Variants in OSBPL1A observed in about 807,000 individuals in gnomAD.
The protein encoded by OSBPL1A is oxysterol-binding protein-related protein 1.
In OSBPL1A, 80 loss-of-function variants were observed where a neutral mutation model predicts 137.1. That is an observed-to-expected ratio of 0.58 (90% CI 0.49 to 0.70). The LOEUF (loss-of-function observed/expected upper bound fraction) is 0.70, where lower values mean the gene tolerates loss of function less well. OSBPL1A is among the 30% of genes least tolerant of loss of function. The pLI, the probability that OSBPL1A is intolerant of heterozygous loss-of-function variation, is 0.00. For missense variants in OSBPL1A, 970 were observed against 1,129.4 expected (o/e 0.86, Z 2.02); for synonymous variants, 365 against 389.7 (o/e 0.94, Z 0.75).
chr18:24,314,169 CCA>C lies in OSBPL1A; in HGVS notation c.969+78_969+79del, dbSNP rs2090675746. 8.2e-6 allele frequency: 7 copies of C among 857,700 alleles called. No homozygotes were observed. In the East Asian group the frequency reaches 1.8e-4, roughly 22 times the overall value. 53.1% of individuals were successfully genotyped at this position (857,700 alleles called of 1,614,324 possible). On this transcript the variant is annotated intron_variant, in intron 12 of 27. Transcript: ENST00000319481. ...ACAATCAACAAGATGTTGGATGTTACCACTGAACCTATGTTATATTCTCCGTG... is the reference window on the plus strand; with the variant it reads ...ACAATCAACAAGATGTTGGATGTTACCTGAACCTATGTTATATTCTCCGTG...
intron 18 of OSBPL1A, among the ~76,000 whole-genome samples, chr18:24,183,171 T>C (rs1173422370): frequency 3.3e-5 from 5 of 152,054 alleles, no homozygotes; most frequent in African/African-American, 4.8e-5. Flanking sequence ...CCATGGCACC[T>C]GGCCTTCTAT....
intron 14 of OSBPL1A, among the ~76,000 whole-genome samples, chr18:24,297,006 T>C (rs908145279): frequency 3.9e-5 from 6 of 152,228 alleles, no homozygotes; most frequent in Admixed American, 1.3e-4. Flanking sequence ...AGGGTGATAC[T>C]GGCTTCATAA....
rs189334439 is a variant in OSBPL1A, at chr18:24,373,712, C to A, written c.121+3701G>T. 4.9e-3 allele frequency among the ~76,000 whole-genome samples: 751 copies of A among 152,162 alleles called. 6 individuals carry two copies. The highest frequency in any genetic ancestry group is 0.018 in the African/African-American group (735 of 41,496). ...ATTATAGTAATTTATACCATTTTCC[C>A]AATTTGTCATTATTTGGAAAAACAG... is the stretch of plus-strand genomic sequence containing the variant. On this transcript the variant is annotated intron_variant, in intron 2 of 27. Transcript: ENST00000319481.
chr18:24,303,721 G>C lies in OSBPL1A; in HGVS notation c.1093-3C>G. 6.2e-7 allele frequency: 1 copy of C among 1,608,594 alleles called. No individual in the cohort carries two copies. The highest frequency in any genetic ancestry group is 8.5e-7 in the Non-Finnish European group (1 of 1,177,404). On this transcript the variant is annotated splice_polypyrimidine_tract_variant and splice_region_variant and intron_variant, in intron 13 of 27. Coordinates refer to ENST00000319481, the MANE Select transcript of OSBPL1A (RefSeq NM_080597.4). ...CGCTGTTGGCATGACTGTGCTTTCT[G>C]CAAAAAAAGAAAAGACAAAATTAAA...
At chr18:24,359,983 T>A (rs1410855859) in intron 4 of OSBPL1A, among the ~76,000 whole-genome samples, 18 of 152,324 alleles carry the variant, frequency 1.2e-4, no homozygotes, top group Admixed American at 1.1e-3. Context: ...CTGTTTTTGT[T>A]TGAGACAGAG....
intron 2 of OSBPL1A, among the ~76,000 whole-genome samples, chr18:24,373,802 G>T (rs1002512219): frequency 1.6e-4 from 25 of 152,128 alleles, no homozygotes; most frequent in African/African-American, 5.8e-4. Flanking sequence ...CACTATTCAC[G>T]CCTGGTCTTG....
At chr18:24,226,211 C>A (rs1234223888) in intron 16 of OSBPL1A, among the ~76,000 whole-genome samples, 1 of 152,112 alleles carries the variant, frequency 6.6e-6, no homozygotes, top group Non-Finnish European at 1.5e-5. Flanking sequence ...TTCTTCATCT[C>A]TTTTGAGCAT....
intron 15 of OSBPL1A, among the ~76,000 whole-genome samples, chr18:24,244,582 T>C (rs561175846): frequency 2.0e-5 from 3 of 152,356 alleles, no homozygotes; most frequent in Non-Finnish European, 2.9e-5. Context: ...ACAGTAAACA[T>C]ACGCATTGAT....
intron 17 of OSBPL1A, among the ~76,000 whole-genome samples, chr18:24,217,865 T>C (rs986915102): frequency 6.6e-6 from 1 of 152,156 alleles, no homozygotes; most frequent in African/African-American, 2.4e-5. Flanking sequence ...AACATAAATC[T>C]GGCCACACCT....
chr18:24,331,621 C>CA (rs2091079982), intron 7 of OSBPL1A, among the ~76,000 whole-genome samples: 1 of 151,922 alleles, frequency 6.6e-6, no homozygotes, highest in African/African-American at 2.4e-5. Context: ...TGGTCTCGAT[C>CA]TCCTGACCTC....
rs2082787881 is a variant in OSBPL1A, at chr18:24,271,824, A to T, written c.1281+9018T>A. On this transcript the variant is annotated intron_variant, in intron 15 of 27. Transcript: ENST00000319481. This position sits in a 1 kb window ranked among gnomAD's most constrained non-coding sequence, Gnocchi z 4.0. ...CTGCCCCTGGCTCCGGCCGGGCAGC[A>T]GCGCCAGCCTTCCCCAGCGAGGTCG... The T allele has an allele frequency of 6.1e-6, 6 of 985,282 alleles. No individual in the cohort carries two copies. The South Asian group carries it at 2.8e-4, about 46-fold the overall frequency. 61.0% of individuals were successfully genotyped at this position (985,282 alleles called of 1,614,324 possible).
chr18:24,385,147 G>C (rs982814342), intron 1 of OSBPL1A, among the ~76,000 whole-genome samples: 3 of 151,884 alleles, frequency 2.0e-5, no homozygotes, highest in Non-Finnish European at 4.4e-5. Flanking sequence ...GTAGAGACAG[G>C]GTTTCACTGT....
chr18:24,360,272 G>A (rs1295721835), intron 4 of OSBPL1A, among the ~76,000 whole-genome samples: 1 of 152,132 alleles, frequency 6.6e-6, no homozygotes, highest in African/African-American at 2.4e-5. Flanking sequence ...TGCCAAGCTG[G>A]GGAGCTGCAT....
At chr18:24,261,809 GC>G (rs2089451078) in intron 15 of OSBPL1A, among the ~76,000 whole-genome samples, 1 of 152,132 alleles carries the variant, frequency 6.6e-6, no homozygotes, top group African/African-American at 2.4e-5. Flanking sequence ...CCAAGATCAT[GC>G]CACTGCACTC....
At chr18:24,202,748 C>A (rs114910139) in intron 17 of OSBPL1A, among the ~76,000 whole-genome samples, 1 of 151,990 alleles carries the variant, frequency 6.6e-6, no homozygotes, top group Admixed American at 6.6e-5. Context: ...ATTTTTCCAA[C>A]GGACAAGAAA....
chr18:24,303,282 T>C (rs1227545916), intron 14 of OSBPL1A, among the ~76,000 whole-genome samples: 1 of 152,210 alleles, frequency 6.6e-6, no homozygotes, highest in Non-Finnish European at 1.5e-5. Context: ...ATTACAGGCA[T>C]GAGCCACTGC....
chr18:24,360,088 C>T lies in OSBPL1A; in HGVS notation c.282+6804G>A, dbSNP rs189981278. ...GTTCAAGTGATTCTCCTGCCTCAGC[C>T]TCCTGAAGTAGCTGGGATTACAGGT... On this transcript the variant is annotated intron_variant, in intron 4 of 27. Transcript: ENST00000319481. Among the ~76,000 whole-genome samples the T allele has an allele frequency of 2.4e-3, 358 of 152,314 alleles. 1 individual carries two copies. The highest frequency in any genetic ancestry group is 8.0e-3 in the African/African-American group (334 of 41,566).
chr18:24,202,864 C>T (rs1310652302), intron 17 of OSBPL1A, among the ~76,000 whole-genome samples: 1 of 152,188 alleles, frequency 6.6e-6, no homozygotes, highest in East Asian at 1.9e-4. Context: ...AGTTCTATGT[C>T]AAAACCAAAA....
At chr18:24,348,598 C>T (rs745803432) in intron 4 of OSBPL1A, among the ~76,000 whole-genome samples, 4 of 151,904 alleles carry the variant, frequency 2.6e-5, no homozygotes, top group Non-Finnish European at 5.9e-5. Flanking sequence ...CATGGTGAAA[C>T]CCCATCTCTA....
Sources: allele counts gnomAD v4.1 joint callset (sites outside exome capture counted in the v4.1 genomes callset), GRCh38; gene constraint gnomAD v4.1.1; non-coding constraint Gnocchi (gnomAD v3.1); transcripts MANE v1.5; gene names NCBI Gene and HGNC (gene_info 2026-07-23, HGNC 2026-07-21).